The following PTPRB variants were observed in gnomAD, a reference collection of about 807,000 sequenced individuals.
The protein encoded by PTPRB is receptor-type tyrosine-protein phosphatase beta.
Under a neutral mutation model 238.1 loss-of-function variants are expected in PTPRB, and 97 were observed. The observed-to-expected ratio is 0.41, with a 90% CI of 0.35 to 0.48. The LOEUF (loss-of-function observed/expected upper bound fraction) is 0.48, where lower values mean the gene tolerates loss of function less well. Ranked by LOEUF, PTPRB falls within the 20% of genes least tolerant of loss-of-function variation. PTPRB has a pLI of 0.30. For missense variants in PTPRB, 2,292 were observed against 2,681.9 expected (o/e 0.85, Z 3.21); for synonymous variants, 970 against 995.4 (o/e 0.97, Z 0.48).
intron 18 of PTPRB, 71 bp from the exon 19 acceptor site, chr12:70,556,219 C>G (rs1440113152): frequency 1.5e-6 from 2 of 1,355,696 alleles, no homozygotes; most frequent in Non-Finnish European, 2.0e-6. Flanking sequence ...TCCTTTGGGT[C>G]CAACTAGCTC....
chr12:70,524,406 T>G, intron 33 of PTPRB, 65 bp downstream of exon 33: 1 of 1,506,684 alleles, frequency 6.6e-7, no homozygotes, highest in Non-Finnish European at 9.0e-7. Flanking sequence ...TAAGCCTCTA[T>G]GCCTGGCCAG....
At chr12:70,559,308 C>T in intron 18 of PTPRB, 35 bp downstream of exon 18, 1 of 1,565,440 alleles carries the variant, frequency 6.4e-7, no homozygotes. Context: ...TCCTCTACTC[C>T]ATTTGAGAAA....
rs1206108142 is a variant in PTPRB, at chr12:70,517,417, G to A, written c.*4072C>T. 2.6e-5 allele frequency: 4 copies of A among 152,126 alleles called. No individual in the cohort carries two copies. Among genetic ancestry groups the A allele is most frequent in the South Asian group, 2.1e-4 (1 of 4,830 alleles). 9.4% of individuals were successfully genotyped at this position (152,126 alleles called of 1,614,324 possible). ...ATTTCACTTGCTTTTTGCAGTCATC[G>A]TTTACAGATTTTCCTTTGATAGGGA... On this transcript the variant is annotated 3_prime_UTR_variant, in exon 34 of 34. Transcript: ENST00000334414.
intron 8 of PTPRB, among the ~76,000 whole-genome samples, chr12:70,587,828 C>T (rs528232799): frequency 1.3e-4 from 20 of 152,008 alleles, no homozygotes; most frequent in East Asian, 9.7e-4. Flanking sequence ...TGGTTGGGTG[C>T]GGTGGCTCAC....
At chr12:70,577,629 A>G (rs1043843265) in intron 10 of PTPRB, among the ~76,000 whole-genome samples, 5 of 152,208 alleles carry the variant, frequency 3.3e-5, no homozygotes, top group Non-Finnish European at 7.3e-5. Flanking sequence ...TATGATTGTC[A>G]ATATCAGTAC....
chr12:70,552,875 G>A lies in PTPRB; in HGVS notation c.5289C>T (p.Asn1763=), dbSNP rs1349031575. The change falls in exon 21 of 34, where the codon AAC becomes AAT. Residue 1763 remains asparagine (N), a synonymous_variant. Coordinates refer to ENST00000334414, the MANE Select transcript of PTPRB (RefSeq NM_001109754.4). ...TCTCCATCTCTGCTCCAAGCTTAAT[G>A]TTAAAACTCTTGGAGTTGCTGTTAG... ...ENPNSNSKSF[N]IKLGAEMESL... 1.2e-6 allele frequency: 2 copies of A among 1,613,982 alleles called. No individual in the cohort carries two copies. Among genetic ancestry groups the A allele is most frequent in the Non-Finnish European group, 1.7e-6 (2 of 1,179,886 alleles).
At chr12:70,579,798 C>T (rs190101977) in intron 10 of PTPRB, among the ~76,000 whole-genome samples, 90 of 150,992 alleles carry the variant, frequency 6.0e-4, no homozygotes, top group African/African-American at 2.1e-3. Context: ...GACTATGAAA[C>T]ATCTTCTCAG....
At position 70,622,370 on chromosome 12, in the gene PTPRB, C is replaced by A; in HGVS notation, c.708+20G>T. On this transcript the variant is annotated intron_variant, in intron 3 of 33. Coordinates refer to ENST00000334414, the MANE Select transcript of PTPRB (RefSeq NM_001109754.4). ...CCTGAGACGTGCACAGACCACACTC[C>A]ACACACCCCCTCCTTTTACCTCTTC... 6.2e-7 allele frequency: 1 copy of A among 1,610,168 alleles called. No homozygotes were observed. Among genetic ancestry groups the A allele is most frequent in the Non-Finnish European group, 8.5e-7 (1 of 1,178,416 alleles).
chr12:70,524,910 T>C, intron 32 of PTPRB, among the ~76,000 whole-genome samples: 1 of 149,496 alleles, frequency 6.7e-6, no homozygotes, highest in South Asian at 2.1e-4. Context: ...TATGTGTATA[T>C]ATGTATGTAT....
At position 70,609,144 on chromosome 12, in the gene PTPRB, C is replaced by G; in HGVS notation, c.904G>C (p.Asp302His). Residue 302 changes from aspartate (D) to histidine (H), a missense_variant, in exon 4 of 34, where the codon GAT (aspartate) becomes CAT (histidine). Physicochemically the swap from Asp to His is moderately conservative, Grantham distance 81. Coordinates refer to ENST00000334414, the MANE Select transcript of PTPRB (RefSeq NM_001109754.4). ...DNTTYGCNLQDLQAGTIYNFR... is the reference protein window; with the variant it reads ...DNTTYGCNLQHLQAGTIYNFR... ...TTATAGATGGTTCCTGCTTGTAAAT[C>G]TTGAAGGTTACATCCGTATGTGGTG... 2 of 1,613,976 alleles carry G rather than the reference C, an allele frequency of 1.2e-6. No individual in the cohort carries two copies. The highest frequency in any genetic ancestry group is 1.7e-6 in the Non-Finnish European group (2 of 1,179,880).
chr12:70,586,258 C>G (rs1881902362), intron 9 of PTPRB, among the ~76,000 whole-genome samples: 3 of 152,100 alleles, frequency 2.0e-5, no homozygotes, highest in Admixed American at 2.0e-4. Context: ...GTTTACAGTC[C>G]CACCAACAGT....
At chr12:70,595,387 G>A (rs901208781) in intron 5 of PTPRB, among the ~76,000 whole-genome samples, 11 of 152,140 alleles carry the variant, frequency 7.2e-5, no homozygotes, top group African/African-American at 1.9e-4. Flanking sequence ...ACCATGGCAC[G>A]TGTATACCTA....
intron 4 of PTPRB, among the ~76,000 whole-genome samples, chr12:70,599,977 T>G (rs966959776): frequency 1.2e-4 from 7 of 60,716 alleles, no homozygotes; most frequent in African/African-American, 3.9e-4. Flanking sequence ...AAAGACCCTG[T>G]TTTTTTTTTT....
At chr12:70,618,344 G>C (rs990434875) in intron 3 of PTPRB, among the ~76,000 whole-genome samples, 1 of 152,162 alleles carries the variant, frequency 6.6e-6, no homozygotes, top group South Asian at 2.1e-4. Flanking sequence ...TCCTGGGCTT[G>C]AGTGATCTGC....
At chr12:70,606,782 A>G (rs964705777) in intron 4 of PTPRB, among the ~76,000 whole-genome samples, 19 of 152,352 alleles carry the variant, frequency 1.2e-4, no homozygotes, top group African/African-American at 4.6e-4. Flanking sequence ...AGAACTACTG[A>G]CAAATAAATA....
In PTPRB at chr12:70,637,408, A is replaced by G; in HGVS notation, c.-13T>C. 6.2e-7 allele frequency: 1 copy of G among 1,605,466 alleles called. No individual in the cohort carries two copies. Among genetic ancestry groups the G allele is most frequent in the Non-Finnish European group, 8.5e-7 (1 of 1,175,912 alleles). On this transcript the variant is annotated 5_prime_UTR_variant, in exon 1 of 34. Coordinates refer to ENST00000334414, the MANE Select transcript of PTPRB (RefSeq NM_001109754.4). The stretch of plus-strand genomic sequence containing the variant: ...ATTCAGCCTCCATTTTCCACTTAGC[A>G]ACTGTTCATGCTTCGCTTGGGGAAA...
At position 70,523,451 on chromosome 12, in the gene PTPRB, A is replaced by G. The variant is rs187945694; in HGVS notation, c.6625+1020T>C. On this transcript the variant is annotated intron_variant, in intron 33 of 33. Coordinates refer to ENST00000334414, the MANE Select transcript of PTPRB (RefSeq NM_001109754.4). ...GTGGTAGGAGAAATACAGGGTCACA[A>G]GATAAGAACATATGAAGGACCCTGA... Among the ~76,000 whole-genome samples the G allele has an allele frequency of 7.0e-3, 1,065 of 152,304 alleles. 9 individuals are homozygous for G. Among genetic ancestry groups the G allele is most frequent in the South Asian group, 0.04 (194 of 4,824 alleles).
chr12:70,609,203 C>T lies in PTPRB; in HGVS notation c.845G>A (p.Gly282Glu), dbSNP rs758902091. 5.6e-6 allele frequency: 9 copies of T among 1,613,896 alleles called. No individual in the cohort carries two copies. Among genetic ancestry groups the T allele is most frequent in the South Asian group, 1.1e-5 (1 of 91,092 alleles). ...FSLIYSSDTL[G>E]AALCPTFRID... ...CCGAAAGGTAGGGCACAACGCGGCC[C>T]CCAGGGTGTCACTGCTATAGATGAG... The change falls in exon 4 of 34, where the codon GGG becomes GAG. Residue 282 changes from glycine to glutamate, a missense_variant. Physicochemically the swap from Gly to Glu is moderately conservative, Grantham distance 98. Transcript: ENST00000334414.
rs1443314523 is a variant in PTPRB at position 70,556,570 on chromosome 12, A to G, written c.4715-422T>C. Among the ~76,000 whole-genome samples, 6 of 152,230 alleles carry G rather than the reference A, an allele frequency of 3.9e-5. No homozygotes were observed. In the East Asian group the frequency reaches 1.2e-3, roughly 29 times the overall value. ...CTACACAAAATGGGAATACCAGAAGAAGAAAGAAAGGAACAGAAGAAATAT... is the reference window on the plus strand; with the variant it reads ...CTACACAAAATGGGAATACCAGAAGGAGAAAGAAAGGAACAGAAGAAATAT... On this transcript the variant is annotated intron_variant, in intron 18 of 33. Coordinates refer to ENST00000334414, the MANE Select transcript of PTPRB (RefSeq NM_001109754.4).
Sources: gnomAD v4.1 joint callset for allele counts (sites outside exome capture counted in the v4.1 genomes callset) on GRCh38, gnomAD v4.1.1 for gene constraint, MANE v1.5 for transcripts, NCBI Gene and HGNC (gene_info 2026-07-23, HGNC 2026-07-21) for gene names.